Variants in DYNC1I1 observed in about 807,000 individuals in gnomAD.
DYNC1I1 encodes the protein cytoplasmic dynein 1 intermediate chain 1.
DYNC1I1 carries 43 observed loss-of-function variants against 86.6 expected under a neutral mutation model. That is an observed-to-expected ratio of 0.50 (90% CI 0.39 to 0.64). The LOEUF is 0.64. DYNC1I1 is among the 30% of genes least tolerant of loss of function. The probability of loss-of-function intolerance (pLI) is 0.00; values close to 1 mark genes in which losing one functional copy is unlikely to be tolerated. For synonymous variants in DYNC1I1, 262 were observed against 283.7 expected (o/e 0.92, Z 0.77); for missense variants, 604 against 788.8 (o/e 0.77, Z 2.81).
chr7:95,904,887 T>C lies in DYNC1I1; in HGVS notation c.490+34889T>C, dbSNP rs115903440. ...CTGACCCACTGGCATGATATTTCTATATTGATTTTCCCAACATTCCTTTTG... is the reference window on the plus strand; with the variant it reads ...CTGACCCACTGGCATGATATTTCTACATTGATTTTCCCAACATTCCTTTTG... On this transcript the variant is annotated intron_variant, in intron 6 of 16. Coordinates refer to ENST00000447467, the MANE Select transcript of DYNC1I1 (RefSeq NM_001135556.2). 4.3e-3 allele frequency among the ~76,000 whole-genome samples: 661 copies of C among 152,338 alleles called. 8 individuals carry two copies. The highest frequency in any genetic ancestry group is 0.015 in the African/African-American group (616 of 41,586).
chr7:96,070,057 C>T (rs1392672717), intron 14 of DYNC1I1, among the ~76,000 whole-genome samples: 1 of 152,110 alleles, frequency 6.6e-6, no homozygotes, highest in Non-Finnish European at 1.5e-5. Context: ...GAATTTCTGA[C>T]CACGATACAC....
At chr7:95,921,382 A>G (rs1331420140) in intron 6 of DYNC1I1, among the ~76,000 whole-genome samples, 2 of 152,198 alleles carry the variant, frequency 1.3e-5, no homozygotes, top group Admixed American at 1.3e-4. Context: ...ACAAGGAGAC[A>G]CTTTCTGGGA....
At chr7:95,833,308 T>C (rs1164847601) in intron 5 of DYNC1I1, among the ~76,000 whole-genome samples, 11 of 149,012 alleles carry the variant, frequency 7.4e-5, no homozygotes, top group East Asian at 4.0e-4. Context: ...CTGAGGGCTC[T>C]GTTCTGTTCC....
At chr7:95,848,955 T>C in intron 5 of DYNC1I1, among the ~76,000 whole-genome samples, 1 of 152,270 alleles carries the variant, frequency 6.6e-6, no homozygotes, top group East Asian at 1.9e-4. Flanking sequence ...TTGTAGTTTT[T>C]AATTTGCATT....
intron 5 of DYNC1I1, among the ~76,000 whole-genome samples, chr7:95,848,253 A>G (rs1789487924): frequency 6.6e-6 from 1 of 151,556 alleles, no homozygotes; most frequent in Non-Finnish European, 1.5e-5. Flanking sequence ...ATTGGAATGA[A>G]ACCCAATTGT....
intron 6 of DYNC1I1, among the ~76,000 whole-genome samples, chr7:95,970,592 T>G (rs941749351): frequency 1.3e-5 from 2 of 152,188 alleles, no homozygotes; most frequent in African/African-American, 4.8e-5. Context: ...TGATTAATAT[T>G]TATTTAAAGT....
intron 3 of DYNC1I1, 149 bp from the exon 4 acceptor site, chr7:95,813,098 T>TG (rs985217799): frequency 3.1e-5 from 43 of 1,405,018 alleles, no homozygotes; most frequent in Non-Finnish European, 3.9e-5. Flanking sequence ...CTTTCCTTTT[T>TG]TTTTTTTTTC....
At chr7:95,933,153 G>A (rs1012348949) in intron 6 of DYNC1I1, among the ~76,000 whole-genome samples, 13 of 152,050 alleles carry the variant, frequency 8.5e-5, no homozygotes, top group Admixed American at 1.3e-4. Context: ...GAAGTGCTGG[G>A]ATTACAGATG....
intron 2 of DYNC1I1, among the ~76,000 whole-genome samples, chr7:95,807,502 CT>C (rs1794729043): frequency 6.6e-6 from 1 of 152,158 alleles, no homozygotes; most frequent in African/African-American, 2.4e-5. Context: ...GCAGGACTCT[CT>C]TTTTGCCTCC....
At chr7:95,972,471 G>A (rs569244992) in intron 6 of DYNC1I1, among the ~76,000 whole-genome samples, 27 of 152,134 alleles carry the variant, frequency 1.8e-4, no homozygotes, top group Non-Finnish European at 3.5e-4. Flanking sequence ...GCCACCAGGA[G>A]ATGAACAGCA....
intron 6 of DYNC1I1, among the ~76,000 whole-genome samples, chr7:95,968,553 C>G (rs149572625): frequency 2.6e-4 from 39 of 152,216 alleles, no homozygotes; most frequent in African/African-American, 9.1e-4. Flanking sequence ...TCCTTTGGGA[C>G]AGATCTACAG....
At chr7:95,960,399 G>A (rs940682300) in intron 6 of DYNC1I1, among the ~76,000 whole-genome samples, 6 of 152,040 alleles carry the variant, frequency 3.9e-5, no homozygotes, top group Admixed American at 6.6e-5. Flanking sequence ...GAGCCACCAC[G>A]CCCGGCCAAA....
At chr7:96,109,237 A>G (rs1791268270) in intron 16 of DYNC1I1, among the ~76,000 whole-genome samples, 1 of 149,852 alleles carries the variant, frequency 6.7e-6, no homozygotes, top group Non-Finnish European at 1.5e-5. Flanking sequence ...TTATACTTTA[A>G]GTTTTAGGGT....
At chr7:95,962,763 A>G (rs1792905796) in intron 6 of DYNC1I1, among the ~76,000 whole-genome samples, 1 of 152,180 alleles carries the variant, frequency 6.6e-6, no homozygotes, top group Admixed American at 6.5e-5. Context: ...AGTGAATAAG[A>G]CCATACTTTC....
intron 10 of DYNC1I1, among the ~76,000 whole-genome samples, chr7:96,024,179 A>G (rs1268561786): frequency 6.6e-6 from 1 of 152,196 alleles, no homozygotes; most frequent in Non-Finnish European, 1.5e-5. Flanking sequence ...AGGAAAAATT[A>G]CTTTGATTAG....
chr7:95,928,256 C>G, intron 6 of DYNC1I1, among the ~76,000 whole-genome samples: 1 of 152,204 alleles, frequency 6.6e-6, no homozygotes, highest in East Asian at 1.9e-4. Context: ...CAAAAGGAGG[C>G]CAAGTCCTCA....
intron 6 of DYNC1I1, among the ~76,000 whole-genome samples, chr7:95,873,094 A>T (rs916896141): frequency 1.3e-5 from 2 of 152,176 alleles, no homozygotes; most frequent in African/African-American, 4.8e-5. Flanking sequence ...AAGGAGGAGG[A>T]AATTTCTACA....
intron 13 of DYNC1I1, among the ~76,000 whole-genome samples, chr7:96,036,618 A>T (rs567739845): frequency 6.6e-6 from 1 of 152,284 alleles, no homozygotes; most frequent in South Asian, 2.1e-4. Flanking sequence ...TACCTAGGAC[A>T]TAGTAAGTGA....
intron 6 of DYNC1I1, among the ~76,000 whole-genome samples, chr7:95,935,848 T>C (rs1337669354): frequency 1.3e-5 from 2 of 152,004 alleles, no homozygotes; most frequent in Non-Finnish European, 2.9e-5. Flanking sequence ...AACCAATACA[T>C]GCAAACATGT....
Sources: gnomAD v4.1 joint callset for allele counts (sites outside exome capture counted in the v4.1 genomes callset) on GRCh38, gnomAD v4.1.1 for gene constraint, MANE v1.5 for transcripts, NCBI Gene and HGNC (gene_info 2026-07-23, HGNC 2026-07-21) for gene names.